The following FAM227B variants were observed in gnomAD, a reference collection of about 807,000 sequenced individuals.
The protein encoded by FAM227B is family with sequence similarity 227 member B, also known as protein FAM227B.
In FAM227B, 88 loss-of-function variants were observed where a neutral mutation model predicts 73.8. That is an observed-to-expected ratio of 1.19 (90% confidence interval 1.00 to 1.42). The LOEUF (loss-of-function observed/expected upper bound fraction) is 1.42. Among genes scored for constraint, FAM227B ranks in the 40% most tolerant of loss-of-function variants. The probability of loss-of-function intolerance (pLI) is 0.00; values close to 1 mark genes in which losing one functional copy is unlikely to be tolerated. For synonymous variants in FAM227B, 210 were observed against 190.5 expected, an observed-to-expected ratio of 1.10 and a Z score of -0.84; for missense variants, 632 against 590.9, an observed-to-expected ratio of 1.07 and a Z score of -0.72.
chr15:49,538,477 G>C (rs891714795), intron 10 of FAM227B, among the ~76,000 whole-genome samples: 4 of 152,122 alleles, frequency 2.6e-5, no homozygotes, highest in Admixed American at 2.0e-4. Context: ...CTGAGACTTT[G>C]GGTCCCCAGG....
intron 13 of FAM227B, among the ~76,000 whole-genome samples, chr15:49,362,038 T>G (rs940216075): frequency 1.3e-5 from 2 of 152,216 alleles, no homozygotes; most frequent in African/African-American, 4.8e-5. Flanking sequence ...GTTACGTGTA[T>G]GTCTTCTTTT....
chr15:49,424,539 A>G (rs1242213693), intron 11 of FAM227B: 17 of 1,606,992 alleles, frequency 1.1e-5, no homozygotes, highest in Non-Finnish European at 1.4e-5. Context: ...AGGATCGATA[A>G]AAGAGGCAAA....
intron 5 of FAM227B, among the ~76,000 whole-genome samples, chr15:49,580,742 A>G (rs555317194): frequency 4.6e-5 from 7 of 152,358 alleles, no homozygotes; most frequent in African/African-American, 1.4e-4. Flanking sequence ...GGATTACAAT[A>G]AAACAATACA....
intron 10 of FAM227B, among the ~76,000 whole-genome samples, chr15:49,512,840 G>A (rs1368652311): frequency 6.6e-6 from 1 of 152,140 alleles, no homozygotes; most frequent in African/African-American, 2.4e-5. Flanking sequence ...TTATGAGTGA[G>A]AACATGAGTT....
chr15:49,616,802 A>T (rs1271360842), intron 1 of FAM227B, among the ~76,000 whole-genome samples: 1 of 152,170 alleles, frequency 6.6e-6, no homozygotes, highest in Non-Finnish European at 1.5e-5. Flanking sequence ...TTGAAATGTC[A>T]AGTATTTTGA....
chr15:49,335,530 T>A, intron 13 of FAM227B, 34 bp from the exon 14 acceptor site: 2 of 1,533,906 alleles, frequency 1.3e-6, no homozygotes, highest in Non-Finnish European at 1.8e-6. Context: ...TGATTTTCAA[T>A]TAGGAACATT....
intron 11 of FAM227B, among the ~76,000 whole-genome samples, chr15:49,493,888 A>ATATATGTGTGTG (rs146161182): frequency 6.7e-6 from 1 of 148,832 alleles, no homozygotes; most frequent in African/African-American, 2.5e-5. Context: ...ATATATATAT[A>ATATATGTGTGTG]TGTGTGTGTG....
chr15:49,528,875 G>C (rs2060403708), intron 10 of FAM227B, among the ~76,000 whole-genome samples: 1 of 151,528 alleles, frequency 6.6e-6, no homozygotes, highest in African/African-American at 2.4e-5. Context: ...ACCATTTATG[G>C]GAATGTATAA....
At chr15:49,477,924 T>C (rs1401386087) in intron 11 of FAM227B, among the ~76,000 whole-genome samples, 15 of 152,248 alleles carry the variant, frequency 9.9e-5, no homozygotes, top group Admixed American at 2.6e-4. Context: ...CCTTTTTAAA[T>C]AATTTCAACT....
chr15:49,335,320 C>T, intron 14 of FAM227B, 99 bp downstream of exon 14: 1 of 731,328 alleles, frequency 1.4e-6, no homozygotes. Context: ...ACATGACTCT[C>T]CTCATCATTA....
At position 49,371,290 on chromosome 15, in the gene FAM227B, T is replaced by C. The variant is rs1457971760; in HGVS notation, c.1110+12A>G. 2.6e-6 allele frequency: 4 copies of C among 1,511,624 alleles called. No individual in the cohort carries two copies. Among genetic ancestry groups the C allele is most frequent in the Non-Finnish European group, 3.7e-6 (4 of 1,095,846 alleles). 93.6% of individuals were successfully genotyped at this position (1,511,624 alleles called of 1,614,324 possible). On this transcript the variant is annotated intron_variant, in intron 12 of 15. Transcript: ENST00000299338. ...AAGTAAGAAATTTTTTCATAATTATTATACTCCAAACCTTTGTTGCTAGTC... is the reference window on the plus strand; with the variant it reads ...AAGTAAGAAATTTTTTCATAATTATCATACTCCAAACCTTTGTTGCTAGTC...
chr15:49,511,586 C>T (rs76732937), intron 10 of FAM227B, among the ~76,000 whole-genome samples: 2,246 of 152,180 alleles, frequency 0.015, 72 homozygotes, highest in African/African-American at 0.052. Flanking sequence ...CAACCATTAG[C>T]TATTCTTCCT....
At chr15:49,528,852 A>G (rs748504110) in intron 10 of FAM227B, among the ~76,000 whole-genome samples, 4 of 151,682 alleles carry the variant, frequency 2.6e-5, no homozygotes, top group Non-Finnish European at 5.9e-5. Flanking sequence ...TGTGGAGAAA[A>G]GGTAACTTAC....
At chr15:49,541,130 A>G (rs2071007659) in intron 10 of FAM227B, among the ~76,000 whole-genome samples, 1 of 152,136 alleles carries the variant, frequency 6.6e-6, no homozygotes, top group Non-Finnish European at 1.5e-5. Context: ...TCATTCTAGG[A>G]ACATGAAACT....
chr15:49,384,777 A>G (rs1266474168), intron 11 of FAM227B, among the ~76,000 whole-genome samples: 1 of 152,038 alleles, frequency 6.6e-6, no homozygotes, highest in Non-Finnish European at 1.5e-5. Flanking sequence ...TATGTACTAA[A>G]GTATTAATAA....
At chr15:49,380,606 A>G (rs2046461468) in intron 11 of FAM227B, among the ~76,000 whole-genome samples, 1 of 152,218 alleles carries the variant, frequency 6.6e-6, no homozygotes, top group Non-Finnish European at 1.5e-5. Flanking sequence ...GAATAATTTG[A>G]TGCATGCCAT....
intron 11 of FAM227B, among the ~76,000 whole-genome samples, chr15:49,374,234 A>G (rs1276744782): frequency 1.3e-5 from 2 of 152,218 alleles, no homozygotes; most frequent in Non-Finnish European, 2.9e-5. Flanking sequence ...ATATAATTTT[A>G]CAGTCGACTT....
At chr15:49,595,790 AAAGACAC>A (rs1265402450) in intron 3 of FAM227B, among the ~76,000 whole-genome samples, 8 of 151,998 alleles carry the variant, frequency 5.3e-5, no homozygotes, top group Non-Finnish European at 8.8e-5. Context: ...TTCTGGAATG[AAAGACAC>A]ACTTAGAAAA....
chr15:49,365,728 A>G (rs2045043922), intron 13 of FAM227B: 1 of 889,074 alleles, frequency 1.1e-6, no homozygotes, highest in Non-Finnish European at 1.9e-6. Flanking sequence ...AATCTCCAAG[A>G]TATCTTGTAA....
Sources: gnomAD v4.1 joint callset for allele counts (sites outside exome capture counted in the v4.1 genomes callset) on GRCh38, gnomAD v4.1.1 for gene constraint, MANE v1.5 for transcripts, NCBI Gene and HGNC (gene_info 2026-07-23, HGNC 2026-07-21) for gene names.